SLC22A23: variants seen among roughly 807,000 people sequenced by gnomAD.
SLC22A23 encodes ion transporter protein.
Under a neutral mutation model 61.0 loss-of-function variants are expected in SLC22A23, and 26 were observed. That is an observed-to-expected ratio of 0.43 (90% CI 0.31 to 0.59). The LOEUF is 0.59. Ranked by LOEUF, SLC22A23 falls within the 20% of genes least tolerant of loss-of-function variation. SLC22A23 has a pLI of 0.11. For synonymous variants in SLC22A23, 430 were observed against 413.9 expected (o/e 1.04, Z -0.47); for missense variants, 796 against 934.7 (o/e 0.85, Z 1.94).
chr6:3,448,005 C>T lies in SLC22A23; in HGVS notation c.654+7901G>A, dbSNP rs183092709. Among the ~76,000 whole-genome samples, 717 of 149,054 alleles carry T rather than the reference C, an allele frequency of 4.8e-3. 5 individuals are homozygous for T. Among genetic ancestry groups the T allele is most frequent in the African/African-American group, 0.017 (678 of 40,302 alleles). ...GCAACCTCTGCCTCCTGGGTTCAAG[C>T]GATTCTCCTGCCTCAGCCTCCTGAG... On this transcript the variant is annotated intron_variant, in intron 1 of 9. Coordinates refer to ENST00000406686, the MANE Select transcript of SLC22A23 (RefSeq NM_015482.2).
rs1317608509 is a variant in SLC22A23 at position 3,322,067 on chromosome 6, G to A, written c.1082+1767C>T. On this transcript the variant is annotated intron_variant, in intron 4 of 9. Transcript: ENST00000406686. The surrounding 1 kb of genome is among the most constrained non-coding windows in gnomAD (Gnocchi z 4.1). ...TACTGTATCTCTAAAGAGCAAACAAGGAATAGGGGCCAGGCAGGGGAAGAC... is the reference window on the plus strand; with the variant it reads ...TACTGTATCTCTAAAGAGCAAACAAAGAATAGGGGCCAGGCAGGGGAAGAC... 2.6e-5 allele frequency among the ~76,000 whole-genome samples: 4 copies of A among 152,202 alleles called. No individual in the cohort carries two copies. The highest frequency in any genetic ancestry group is 2.6e-4 in the Admixed American group (4 of 15,278).
At chr6:3,355,690 G>A (rs929981003) in intron 3 of SLC22A23, among the ~76,000 whole-genome samples, 7 of 151,898 alleles carry the variant, frequency 4.6e-5, no homozygotes, top group African/African-American at 1.7e-4. Context: ...AGTCCTTTCT[G>A]TGCCTTCCCA....
At chr6:3,283,027 A>G (rs999722610) in intron 9 of SLC22A23, among the ~76,000 whole-genome samples, 1 of 152,202 alleles carries the variant, frequency 6.6e-6, no homozygotes, top group East Asian at 1.9e-4. Flanking sequence ...TTCTGGGCCT[A>G]GTGTCTGGCG....
At chr6:3,366,332 CAAA>C (rs11387672) in intron 3 of SLC22A23, among the ~76,000 whole-genome samples, 36 of 74,158 alleles carry the variant, frequency 4.9e-4, no homozygotes, top group African/African-American at 1.8e-3. Flanking sequence ...GACTCTGTCT[CAAA>C]AAAAAAAAAA....
intron 3 of SLC22A23, among the ~76,000 whole-genome samples, chr6:3,369,739 T>C (rs11759126): frequency 0.34 from 52,084 of 151,832 alleles, 9,080 homozygotes; most frequent in Middle Eastern, 0.41. Flanking sequence ...TTCTTATTTA[T>C]AGGGACCCTG....
intron 1 of SLC22A23, among the ~76,000 whole-genome samples, chr6:3,434,517 G>C (rs1413504084): frequency 6.6e-6 from 1 of 151,946 alleles, no homozygotes; most frequent in Non-Finnish European, 1.5e-5. Context: ...GCTGAGGCAG[G>C]AGAATCGCTT....
At position 3,352,937 on chromosome 6, in the gene SLC22A23, G is replaced by A. The variant is rs60576380; in HGVS notation, c.914-28935C>T. The stretch of plus-strand genomic sequence containing the variant: ...CTGCACCTTGCTACCAGAACCCCCA[G>A]TGGTCAGCTTGTCCCAACAGGACTT... On this transcript the variant is annotated intron_variant, in intron 3 of 9. Transcript: ENST00000406686. 2.2e-3 allele frequency among the ~76,000 whole-genome samples: 333 copies of A among 152,274 alleles called. 3 individuals are homozygous for A. Among genetic ancestry groups the A allele is most frequent in the African/African-American group, 7.7e-3 (322 of 41,558 alleles).
intron 1 of SLC22A23, among the ~76,000 whole-genome samples, chr6:3,420,898 A>G (rs1218930649): frequency 1.3e-5 from 2 of 152,106 alleles, no homozygotes; most frequent in African/African-American, 2.4e-5. Context: ...TGAGGTCAGG[A>G]GTTCTAGACC....
chr6:3,279,812 C>T (rs1168953114), intron 9 of SLC22A23, among the ~76,000 whole-genome samples: 1 of 152,004 alleles, frequency 6.6e-6, no homozygotes, highest in East Asian at 1.9e-4. Context: ...CACACTGCCT[C>T]CTTGGGCTTT....
At chr6:3,289,157 G>A (rs1393789142) in intron 6 of SLC22A23, among the ~76,000 whole-genome samples, 1 of 151,918 alleles carries the variant, frequency 6.6e-6, no homozygotes, top group Non-Finnish European at 1.5e-5. Context: ...GCTCAAGACA[G>A]GAGTGACCTT....
intron 1 of SLC22A23, among the ~76,000 whole-genome samples, chr6:3,426,496 A>G (rs1272412511): frequency 3.6e-4 from 27 of 75,418 alleles, no homozygotes; most frequent in Non-Finnish European, 3.0e-4. Context: ...AGGATTAGGA[A>G]AAAAAAAAAA....
chr6:3,402,347 C>T (rs1358888257), intron 3 of SLC22A23, among the ~76,000 whole-genome samples: 1 of 152,240 alleles, frequency 6.6e-6, no homozygotes, highest in African/African-American at 2.4e-5. Context: ...ACCTTAAGGT[C>T]ATGGAGGATA....
intron 3 of SLC22A23, among the ~76,000 whole-genome samples, chr6:3,396,788 G>GA (rs1246828050): frequency 1.3e-5 from 2 of 152,280 alleles, no homozygotes; most frequent in East Asian, 3.9e-4. Flanking sequence ...TGACTCCAGG[G>GA]AAAACCCATC....
intron 6 of SLC22A23, among the ~76,000 whole-genome samples, chr6:3,288,552 G>A (rs957843153): frequency 2.0e-5 from 3 of 152,256 alleles, no homozygotes; most frequent in African/African-American, 7.2e-5. Context: ...TGCTCTGGTA[G>A]AAATGAAGTC....
At chr6:3,319,703 T>TCCCCGTGGATC (rs1383883728) in intron 4 of SLC22A23, among the ~76,000 whole-genome samples, 18 of 152,154 alleles carry the variant, frequency 1.2e-4, no homozygotes, top group Admixed American at 3.9e-4. Context: ...CATAGTGGAT[T>TCCCCGTGGATC]CCCCGTGGAT....
In SLC22A23 at chr6:3,324,036, G is replaced by A. The variant is rs1763128647; in HGVS notation, c.914-34C>T. 6.2e-7 allele frequency: 1 copy of A among 1,604,808 alleles called. No homozygotes were observed. The highest frequency in any genetic ancestry group is 8.5e-7 in the Non-Finnish European group (1 of 1,172,854). On this transcript the variant is annotated intron_variant, in intron 3 of 9. Transcript: ENST00000406686. This position sits in a 1 kb window ranked among gnomAD's most constrained non-coding sequence, Gnocchi z 4.3. ...CAGAACCAATGAGAGAGAGATGAGT[G>A]CCCTGCTCGACAGCCCGAGAAGTCC...
chr6:3,288,188 A>T (rs1174597311), intron 6 of SLC22A23, among the ~76,000 whole-genome samples: 1 of 152,060 alleles, frequency 6.6e-6, no homozygotes, highest in African/African-American at 2.4e-5. Flanking sequence ...TTTGGGGTGT[A>T]CCTGTGATGC....
rs115647376 is a variant in SLC22A23, at chr6:3,443,041, C to T, written c.654+12865G>A. ...ACATCCCAAACAAAATTGCTCAGGG[C>T]TCTGTAAAGCTGTTCCCTGGGAAAA... On this transcript the variant is annotated intron_variant, in intron 1 of 9. Coordinates refer to ENST00000406686, the MANE Select transcript of SLC22A23 (RefSeq NM_015482.2). Among the ~76,000 whole-genome samples the T allele has an allele frequency of 6.0e-3, 909 of 152,296 alleles. 14 individuals carry two copies. The highest frequency in any genetic ancestry group is 0.021 in the African/African-American group (872 of 41,546).
intron 3 of SLC22A23, among the ~76,000 whole-genome samples, chr6:3,406,550 GCGCA>G (rs61547550): frequency 0.52 from 55,426 of 107,400 alleles, 11,182 homozygotes; most frequent in African/African-American, 0.67. Flanking sequence ...GTGTGTGTGC[GCGCA>G]TGTGTGTGTG....
Sources: allele counts gnomAD v4.1 joint callset (sites outside exome capture counted in the v4.1 genomes callset), GRCh38; gene constraint gnomAD v4.1.1; non-coding constraint Gnocchi (gnomAD v3.1); transcripts MANE v1.5; gene names NCBI Gene and HGNC (gene_info 2026-07-23, HGNC 2026-07-21).